Variants in WDR7 observed in about 807,000 individuals in gnomAD.
WDR7 encodes the protein WD repeat-containing protein 7.
WDR7 carries 46 observed loss-of-function variants against 169.4 expected under a neutral mutation model. The observed-to-expected ratio is 0.27, with a 90% CI of 0.21 to 0.35. The LOEUF (loss-of-function observed/expected upper bound fraction) is 0.35. Ranked by LOEUF, WDR7 falls within the 10% of genes least tolerant of loss-of-function variation. The pLI, the probability that WDR7 is intolerant of heterozygous loss-of-function variation, is 1.00. For synonymous variants in WDR7, 612 were observed against 666.8 expected (o/e 0.92, Z 1.27); for missense variants, 1,534 against 1,859.3 (o/e 0.83, Z 3.22).
intron 26 of WDR7, among the ~76,000 whole-genome samples, chr18:57,005,699 A>T (rs1481309001): frequency 3.3e-5 from 5 of 152,132 alleles, no homozygotes; most frequent in African/African-American, 4.8e-5. Context: ...CAAAGAAAAA[A>T]ATATTTAAAT....
At chr18:56,750,290 C>T (rs1476272475) in intron 14 of WDR7, among the ~76,000 whole-genome samples, 1 of 152,122 alleles carries the variant, frequency 6.6e-6, no homozygotes, top group Non-Finnish European at 1.5e-5. Flanking sequence ...TTACAACTGA[C>T]TTGGTTCTTA....
chr18:56,966,594 C>T (rs1188769680), intron 26 of WDR7, among the ~76,000 whole-genome samples: 4 of 152,066 alleles, frequency 2.6e-5, no homozygotes, highest in Non-Finnish European at 5.9e-5. Flanking sequence ...GGCTTCTAGT[C>T]TTCTAGTACT....
intron 1 of WDR7, among the ~76,000 whole-genome samples, chr18:56,653,300 G>A (rs1052936525): frequency 3.3e-5 from 5 of 151,848 alleles, no homozygotes; most frequent in East Asian, 1.9e-4. Flanking sequence ...TCCCCATCCC[G>A]GGCTCAAGCG....
chr18:56,914,495 C>T (rs1424963778), intron 21 of WDR7, among the ~76,000 whole-genome samples: 10 of 152,126 alleles, frequency 6.6e-5, no homozygotes, highest in East Asian at 5.8e-4. Flanking sequence ...AATAGGTGCT[C>T]GAGCTAGAAC....
In WDR7 at chr18:56,817,806, C is replaced by T. The variant is rs987436136; in HGVS notation, c.3304+1662C>T. ...TGTTGCCCAGGTTGGGGTGCAGTGG[C>T]GCGATCTCGGCTCACTGCAACCTCC... On this transcript the variant is annotated intron_variant, in intron 20 of 27. Coordinates refer to ENST00000254442, the MANE Select transcript of WDR7 (RefSeq NM_015285.3). 2.7e-5 allele frequency among the ~76,000 whole-genome samples: 4 copies of T among 149,604 alleles called. No homozygotes were observed. In the South Asian group the frequency reaches 6.3e-4, roughly 24 times the overall value.
chr18:56,858,864 G>A (rs138670431), intron 20 of WDR7, among the ~76,000 whole-genome samples: 2,126 of 152,268 alleles, frequency 0.014, 28 homozygotes, highest in East Asian at 0.035. Flanking sequence ...CTCAACCCCT[G>A]CCTTCTTGCA....
chr18:56,870,451 G>A (rs886301284), intron 20 of WDR7, among the ~76,000 whole-genome samples: 4 of 152,074 alleles, frequency 2.6e-5, no homozygotes, highest in Non-Finnish European at 5.9e-5. Context: ...TCTCAAAAGT[G>A]TAGTTCTAGC....
intron 20 of WDR7, among the ~76,000 whole-genome samples, chr18:56,824,012 C>T (rs555317118): frequency 3.3e-5 from 5 of 152,302 alleles, no homozygotes; most frequent in African/African-American, 1.2e-4. Context: ...AATGACTTCC[C>T]ATTGAATATA....
In WDR7 at chr18:56,816,069, G is replaced by T. The variant is rs148925781; in HGVS notation, c.3229G>T (p.Ala1077Ser). The T allele has an allele frequency of 1.6e-5, 26 of 1,613,520 alleles. No homozygotes were observed. Among genetic ancestry groups the T allele is most frequent in the Non-Finnish European group, 2.1e-5 (25 of 1,179,844 alleles). ...TSEAAQTITT[A>S]PDASGPEAKV... Reference sequence around the variant, plus strand: ...AGAAGCCGCGCAGACTATCACCACGGCTCCTGATGCCTCAGGGCCTGAAGC... The same window carrying T: ...AGAAGCCGCGCAGACTATCACCACGTCTCCTGATGCCTCAGGGCCTGAAGC... Residue 1077 changes from alanine (A) to serine (S), a missense_variant, in exon 20 of 28, where the codon GCT (alanine) becomes TCT (serine). By Grantham distance (99) the Ala-to-Ser change is moderately conservative. Transcript: ENST00000254442.
chr18:56,938,186 G>A (rs1481932133), intron 23 of WDR7, among the ~76,000 whole-genome samples: 1 of 152,142 alleles, frequency 6.6e-6, no homozygotes, highest in Non-Finnish European at 1.5e-5. Context: ...CATTACTTGA[G>A]AGCAAGGATC....
intron 14 of WDR7, among the ~76,000 whole-genome samples, chr18:56,749,105 A>C (rs1302698175): frequency 6.6e-6 from 1 of 152,124 alleles, no homozygotes. Flanking sequence ...ACCGTTTTAC[A>C]TTTAACATGC....
chr18:56,835,110 T>TA (rs1470873753), intron 20 of WDR7, among the ~76,000 whole-genome samples: 2 of 152,276 alleles, frequency 1.3e-5, no homozygotes, highest in East Asian at 3.9e-4. Flanking sequence ...CAGTGTCTCA[T>TA]TAGCTCAGTG....
intron 20 of WDR7, among the ~76,000 whole-genome samples, chr18:56,816,753 A>C (rs1599069273): frequency 6.6e-6 from 1 of 152,218 alleles, no homozygotes; most frequent in Non-Finnish European, 1.5e-5. Flanking sequence ...TGGATCTCCA[A>C]ATACATTCAG....
At chr18:56,799,337 TAAAA>T (rs1358908396) in intron 19 of WDR7, among the ~76,000 whole-genome samples, 2 of 152,162 alleles carry the variant, frequency 1.3e-5, no homozygotes, top group South Asian at 2.1e-4. Flanking sequence ...TATATGTAAA[TAAAA>T]AGGATAAATG....
chr18:57,010,098 G>C, intron 26 of WDR7: 5 of 985,474 alleles, frequency 5.1e-6, no homozygotes, highest in Non-Finnish European at 6.0e-6. Flanking sequence ...GACCATTCAT[G>C]CTGCTGAGGA....
At chr18:56,821,025 A>G (rs1212097062) in intron 20 of WDR7, among the ~76,000 whole-genome samples, 1 of 152,210 alleles carries the variant, frequency 6.6e-6, no homozygotes, top group Non-Finnish European at 1.5e-5. Flanking sequence ...AGTGTGTAGT[A>G]ATCCTCTCAG....
intron 13 of WDR7, among the ~76,000 whole-genome samples, chr18:56,726,590 A>T (rs1225705315): frequency 6.6e-6 from 1 of 152,174 alleles, no homozygotes; most frequent in African/African-American, 2.4e-5. Context: ...CAATCATGTC[A>T]TCTGCAAACA....
intron 21 of WDR7, among the ~76,000 whole-genome samples, chr18:56,916,467 A>T (rs112225669): frequency 6.6e-5 from 10 of 152,292 alleles, no homozygotes; most frequent in African/African-American, 2.2e-4. Flanking sequence ...TTATGGCTGC[A>T]TAGTATTCCA....
intron 26 of WDR7, among the ~76,000 whole-genome samples, chr18:56,993,287 G>A (rs531606148): frequency 1.3e-5 from 2 of 152,270 alleles, no homozygotes; most frequent in South Asian, 4.1e-4. Context: ...TTTTTCTCGA[G>A]TTTCTACCTA....
Sources: gnomAD v4.1 joint callset for allele counts (sites outside exome capture counted in the v4.1 genomes callset) on GRCh38, gnomAD v4.1.1 for gene constraint, MANE v1.5 for transcripts, NCBI Gene and HGNC (gene_info 2026-07-23, HGNC 2026-07-21) for gene names.